Variants in PACRG observed in about 807,000 individuals in gnomAD.
The protein encoded by PACRG is parkin coregulated gene protein.
Under a neutral mutation model 29.7 loss-of-function variants are expected in PACRG, and 29 were observed. That is an observed-to-expected ratio of 0.98 (90% CI 0.73 to 1.33). PACRG has a LOEUF of 1.33. Ranked by LOEUF, PACRG falls within the 40% of genes most tolerant of loss-of-function variation. PACRG has a pLI of 0.00. For missense variants in PACRG, 279 were observed against 316.2 expected, an observed-to-expected ratio of 0.88 and a Z score of 0.89; for synonymous variants, 116 against 118.7, an observed-to-expected ratio of 0.98 and a Z score of 0.15.
intron 4 of PACRG, among the ~76,000 whole-genome samples, chr6:163,143,259 T>G (rs1777628650): frequency 6.6e-6 from 1 of 151,972 alleles, no homozygotes; most frequent in African/African-American, 2.4e-5. Flanking sequence ...AAAATAAAAA[T>G]AAAACACCTC....
intron 4 of PACRG, among the ~76,000 whole-genome samples, chr6:163,266,548 A>C (rs751084632): frequency 1.3e-5 from 2 of 152,178 alleles, no homozygotes; most frequent in Non-Finnish European, 2.9e-5. Context: ...CTTGGGTCTA[A>C]GAGAGCTTTC....
At chr6:162,774,118 T>G (rs2128305996) in intron 1 of PACRG, among the ~76,000 whole-genome samples, 1 of 152,316 alleles carries the variant, frequency 6.6e-6, no homozygotes, top group Admixed American at 6.5e-5. Flanking sequence ...ATGGAAAGCT[T>G]TTGACGAATG....
At chr6:163,094,544 C>T (rs1266371478) in intron 4 of PACRG, among the ~76,000 whole-genome samples, 1 of 152,074 alleles carries the variant, frequency 6.6e-6, no homozygotes, top group African/African-American at 2.4e-5. Flanking sequence ...GTCCTTTGGT[C>T]TAAGAGTATC....
At chr6:163,256,635 G>A (rs2128173829) in intron 4 of PACRG, among the ~76,000 whole-genome samples, 1 of 152,298 alleles carries the variant, frequency 6.6e-6, no homozygotes, top group Non-Finnish European at 1.5e-5. Flanking sequence ...GCCCCAAGAA[G>A]GGACACGTCG....
intron 2 of PACRG, among the ~76,000 whole-genome samples, chr6:163,019,656 TG>T (rs1806429564): frequency 6.6e-6 from 1 of 152,210 alleles, no homozygotes; most frequent in Non-Finnish European, 1.5e-5. Flanking sequence ...GCACCGTTGC[TG>T]TGGTCACATG....
At chr6:162,851,092 C>T (rs1364650773) in intron 2 of PACRG, among the ~76,000 whole-genome samples, 2 of 152,190 alleles carry the variant, frequency 1.3e-5, no homozygotes, top group African/African-American at 4.8e-5. Flanking sequence ...GGGGTGAGAG[C>T]GGAGGAAAAT....
intron 4 of PACRG, among the ~76,000 whole-genome samples, chr6:163,275,588 G>T (rs541120562): frequency 6.6e-6 from 1 of 152,208 alleles, no homozygotes; most frequent in Non-Finnish European, 1.5e-5. Context: ...TATTTCCTTT[G>T]GTTTGTATAG....
chr6:163,246,063 G>C (rs139404602), intron 4 of PACRG, among the ~76,000 whole-genome samples: 1 of 152,138 alleles, frequency 6.6e-6, no homozygotes, highest in Non-Finnish European at 1.5e-5. Context: ...ACAGCCCATC[G>C]TCCACTCAGT....
rs892632131 is a variant in PACRG at position 163,154,260 on chromosome 6, A to G, written c.613+64852A>G. On this transcript the variant is annotated intron_variant, in intron 4 of 4. Coordinates refer to ENST00000366888, the MANE Select transcript of PACRG (RefSeq NM_001080379.2). ...TGATAGGTGCCTAGGATGTGGCTAT[A>G]AAAGGTTCTTGTGGGCACTGTGTGA... 2.6e-5 allele frequency among the ~76,000 whole-genome samples: 4 copies of G among 152,334 alleles called. 1 individual carries two copies. The South Asian group carries it at 6.2e-4, about 24-fold the overall frequency.
intron 2 of PACRG, among the ~76,000 whole-genome samples, chr6:162,947,608 A>G (rs12211106): frequency 0.028 from 1,837 of 66,318 alleles, 77 homozygotes; most frequent in South Asian, 0.051. Flanking sequence ...ATATATATAT[A>G]ATCATATATA....
chr6:162,836,301 T>A (rs1789215060), intron 2 of PACRG, among the ~76,000 whole-genome samples: 2 of 152,126 alleles, frequency 1.3e-5, no homozygotes, highest in South Asian at 4.1e-4. Context: ...TGTTTTCACA[T>A]CCTGGGTCTA....
chr6:163,290,397 A>G (rs11753474), intron 4 of PACRG, among the ~76,000 whole-genome samples: 22,641 of 152,012 alleles, frequency 0.15, 2,020 homozygotes, highest in Non-Finnish European at 0.2. Context: ...AGAATTTTCC[A>G]AGGGACCAAA....
At chr6:163,288,300 C>T (rs887775996) in intron 4 of PACRG, among the ~76,000 whole-genome samples, 2 of 152,120 alleles carry the variant, frequency 1.3e-5, no homozygotes, top group African/African-American at 2.4e-5. Context: ...CTGATTGCTC[C>T]GTGTGCGTGG....
intron 1 of PACRG, among the ~76,000 whole-genome samples, chr6:162,772,144 T>C (rs1208192688): frequency 6.6e-6 from 1 of 152,216 alleles, no homozygotes. Flanking sequence ...CCTGGGTTGT[T>C]AAAAATGTAT....
intron 4 of PACRG, among the ~76,000 whole-genome samples, chr6:163,254,777 A>G (rs1035201230): frequency 1.3e-5 from 2 of 152,130 alleles, no homozygotes; most frequent in African/African-American, 4.8e-5. Context: ...CGTCCACCCC[A>G]TAGGCCAGCA....
At chr6:163,314,561 G>A (rs116983717) in intron 4 of PACRG, among the ~76,000 whole-genome samples, 1,629 of 152,188 alleles carry the variant, frequency 0.011, 16 homozygotes, top group Non-Finnish European at 0.017. Context: ...GAGAGTCCCC[G>A]ACTTGTCATC....
At chr6:162,839,571 T>C (rs953380043) in intron 2 of PACRG, among the ~76,000 whole-genome samples, 2 of 152,122 alleles carry the variant, frequency 1.3e-5, no homozygotes, top group African/African-American at 2.4e-5. Flanking sequence ...GTAGTTTCTT[T>C]TGCTGTGCAG....
chr6:163,094,785 G>A (rs919430254), intron 4 of PACRG, among the ~76,000 whole-genome samples: 3 of 152,190 alleles, frequency 2.0e-5, no homozygotes, highest in Non-Finnish European at 2.9e-5. Context: ...AAAGAGAAAG[G>A]CAGCTCCTGT....
chr6:163,308,388 G>A (rs1195748338), intron 4 of PACRG, among the ~76,000 whole-genome samples: 1 of 152,212 alleles, frequency 6.6e-6, no homozygotes, highest in East Asian at 1.9e-4. Context: ...AAATTTGGCT[G>A]GGTGTGGTGG....
Sources: gnomAD v4.1 joint callset for allele counts (sites outside exome capture counted in the v4.1 genomes callset) on GRCh38, gnomAD v4.1.1 for gene constraint, MANE v1.5 for transcripts, NCBI Gene and HGNC (gene_info 2026-07-23, HGNC 2026-07-21) for gene names.